MTMR8: variants seen among roughly 807,000 people sequenced by gnomAD.
MTMR8 encodes myotubularin related protein 8.
A neutral mutation model predicts 39.3 loss-of-function variants in MTMR8; 65 were observed. That is an observed-to-expected ratio of 1.65 (90% confidence interval 1.35 to 2.03). MTMR8 has a LOEUF of 2.03. Among genes scored for constraint, MTMR8 ranks in the 30% most tolerant of loss-of-function variants. The probability of loss-of-function intolerance (pLI) is 0.00; values close to 1 mark genes in which losing one functional copy is unlikely to be tolerated. For synonymous variants in MTMR8, 245 were observed against 185.2 expected, an observed-to-expected ratio of 1.32 and a Z score of -2.62; for missense variants, 777 against 538.9, an observed-to-expected ratio of 1.44 and a Z score of -4.37.
chrX:64,284,786 T>C (rs781631703), intron 12 of MTMR8, among the ~76,000 whole-genome samples: 6 of 111,779 alleles, frequency 5.4e-5, no homozygotes, highest in Admixed American at 1.9e-4. Context: ...AGAGATTTTG[T>C]CACCACCAGG....
At chrX:64,370,117 G>GAT (rs1412231956) in intron 1 of MTMR8, among the ~76,000 whole-genome samples, 30 of 111,150 alleles carry the variant, frequency 2.7e-4, no homozygotes, top group African/African-American at 9.5e-4. Flanking sequence ...GACCAATGAT[G>GAT]ATAAGTACCA....
At chrX:64,386,908 C>A (rs899274237) in intron 1 of MTMR8, among the ~76,000 whole-genome samples, 1 of 109,873 alleles carries the variant, frequency 9.1e-6, no homozygotes, top group African/African-American at 3.3e-5. Context: ...AAAAAATTAG[C>A]CATGTGTGGG....
At chrX:64,373,628 G>T (rs1373107241) in intron 1 of MTMR8, among the ~76,000 whole-genome samples, 2 of 111,094 alleles carry the variant, frequency 1.8e-5, no homozygotes, top group African/African-American at 6.6e-5. Flanking sequence ...ATACTATACT[G>T]CCACAGACTT....
At position 64,289,099 on chromosome X, in the gene MTMR8, G is replaced by A. The variant is rs1370846922; in HGVS notation, c.1482-18026C>T. 2.7e-5 allele frequency among the ~76,000 whole-genome samples: 3 copies of A among 109,985 alleles called. No homozygotes were observed. The Admixed American group carries it at 2.9e-4, about 11-fold the overall frequency. ...AACAACAATGAAAAACAATTATAAA[G>A]TGTGCAAAGGACTTTGTCATTTCTC... On this transcript the variant is annotated intron_variant, in intron 12 of 13. Coordinates refer to ENST00000374852, the MANE Select transcript of MTMR8 (RefSeq NM_017677.4).
chrX:64,369,079 A>T (rs1924056673), intron 1 of MTMR8, among the ~76,000 whole-genome samples: 2 of 112,090 alleles, frequency 1.8e-5, no homozygotes, highest in Non-Finnish European at 3.8e-5. Context: ...ATCTCACACC[A>T]GTTAGAATGG....
intron 1 of MTMR8, among the ~76,000 whole-genome samples, chrX:64,370,606 C>G (rs1216371758): frequency 8.9e-6 from 1 of 111,753 alleles, no homozygotes; most frequent in Non-Finnish European, 1.9e-5. Flanking sequence ...TCTACTGAGG[C>G]CTTGATACTT....
intron 13 of MTMR8, among the ~76,000 whole-genome samples, chrX:64,269,880 C>A (rs1043758901): frequency 3.6e-5 from 4 of 111,513 alleles, no homozygotes; most frequent in African/African-American, 1.3e-4. Flanking sequence ...AACACACATA[C>A]ATAAAAACAC....
intron 1 of MTMR8, among the ~76,000 whole-genome samples, chrX:64,393,860 A>C (rs1360230369): frequency 8.9e-6 from 1 of 112,448 alleles, no homozygotes; most frequent in Non-Finnish European, 1.9e-5. Flanking sequence ...TGGGCAAAAC[A>C]TTACTAGTTA....
chrX:64,330,939 CA>C (rs747884418), intron 11 of MTMR8, among the ~76,000 whole-genome samples: 6 of 111,498 alleles, frequency 5.4e-5, no homozygotes, highest in Admixed American at 9.5e-5. Flanking sequence ...AAGAATGACA[CA>C]ATGGACTTTG....
chrX:64,271,355 C>T (rs1931755435), intron 12 of MTMR8, among the ~76,000 whole-genome samples: 1 of 111,802 alleles, frequency 8.9e-6, no homozygotes, highest in Non-Finnish European at 1.9e-5. Flanking sequence ...TATAGACTCA[C>T]ATGTAGTTTT....
chrX:64,351,283 C>T (rs780736868), intron 4 of MTMR8, among the ~76,000 whole-genome samples: 9 of 111,206 alleles, frequency 8.1e-5, no homozygotes, highest in Middle Eastern at 4.6e-3. Context: ...GATGACCCTG[C>T]GAAGTCACAG....
chrX:64,273,047 CT>C (rs762520047), intron 12 of MTMR8, among the ~76,000 whole-genome samples: 1 of 111,246 alleles, frequency 9.0e-6, no homozygotes, highest in Non-Finnish European at 1.9e-5. Flanking sequence ...GGGAAGTCTT[CT>C]CCTTAGATTG....
intron 2 of MTMR8, 50 bp from the exon 3 acceptor site, chrX:64,356,388 T>G: frequency 7.5e-5 from 81 of 1,072,913 alleles, no homozygotes; most frequent in Non-Finnish European, 9.0e-5. Context: ...GCAATATCTC[T>G]ATCACTATCA....
At chrX:64,342,027 T>C (rs1052135027) in intron 8 of MTMR8, among the ~76,000 whole-genome samples, 1 of 111,937 alleles carries the variant, frequency 8.9e-6, no homozygotes, top group African/African-American at 3.2e-5. Context: ...TGGGGCGACA[T>C]TGTGAAAGAC....
At chrX:64,280,117 G>T (rs1201049446) in intron 12 of MTMR8, among the ~76,000 whole-genome samples, 1 of 111,848 alleles carries the variant, frequency 8.9e-6, no homozygotes, top group African/African-American at 3.2e-5. Context: ...TCTGCTAGAG[G>T]TACAAAGAGG....
At chrX:64,303,712 A>G (rs1235339478) in intron 12 of MTMR8, among the ~76,000 whole-genome samples, 2 of 112,679 alleles carry the variant, frequency 1.8e-5, no homozygotes, top group Non-Finnish European at 3.7e-5. Context: ...ATGAAGCAGT[A>G]CATATGTGCC....
intron 1 of MTMR8, among the ~76,000 whole-genome samples, chrX:64,362,999 T>A (rs1016257536): frequency 1.8e-5 from 2 of 110,933 alleles, no homozygotes; most frequent in African/African-American, 6.6e-5. Context: ...ACATTGGGAA[T>A]AAAATAAAGT....
chrX:64,341,200 C>T (rs192262438), intron 8 of MTMR8, among the ~76,000 whole-genome samples: 6 of 111,765 alleles, frequency 5.4e-5, no homozygotes, highest in East Asian at 2.8e-4. Flanking sequence ...CAGTATGGGC[C>T]GGGCGTGGTA....
intron 1 of MTMR8, among the ~76,000 whole-genome samples, chrX:64,364,807 C>A (rs538621279): frequency 2.7e-5 from 3 of 111,722 alleles, no homozygotes; most frequent in Non-Finnish European, 3.8e-5. Context: ...CAGTAATAAA[C>A]TTCTACGAGC....
Sources: allele counts gnomAD v4.1 joint callset (sites outside exome capture counted in the v4.1 genomes callset), GRCh38; gene constraint gnomAD v4.1.1; transcripts MANE v1.5; gene names NCBI Gene and HGNC (gene_info 2026-07-23, HGNC 2026-07-21).